Variants in DCDC1 observed in about 807,000 individuals in gnomAD.
DCDC1 encodes the protein doublecortin domain-containing protein 1.
Under a neutral mutation model 178.3 loss-of-function variants are expected in DCDC1, and 200 were observed. The ratio of observed to expected loss-of-function variants is 1.12; its 90% CI spans 1.00 to 1.26. DCDC1 has a LOEUF of 1.26. Ranked by LOEUF, DCDC1 falls within the 50% of genes most tolerant of loss-of-function variation. The pLI is 0.00. For synonymous variants in DCDC1, 690 were observed against 604.8 expected, an observed-to-expected ratio of 1.14 and a Z score of -2.07; for missense variants, 1,983 against 1,749.2, an observed-to-expected ratio of 1.13 and a Z score of -2.38.
intron 25 of DCDC1, among the ~76,000 whole-genome samples, chr11:30,918,919 C>G (rs1051040909): frequency 2.0e-5 from 3 of 152,116 alleles, no homozygotes; most frequent in African/African-American, 7.2e-5. Context: ...GTGCCGGACA[C>G]CTTTATGATA....
intron 7 of DCDC1, among the ~76,000 whole-genome samples, chr11:31,274,952 G>A (rs777978203): frequency 6.6e-6 from 1 of 151,956 alleles, no homozygotes; most frequent in African/African-American, 2.4e-5. Flanking sequence ...GCCTGCTTAA[G>A]CCTCCCAAAG....
chr11:30,917,040 C>A lies in DCDC1; in HGVS notation c.3294-12G>T, dbSNP rs747424505. The A allele has an allele frequency of 6.3e-7, 1 of 1,578,116 alleles. No homozygotes were observed. Among genetic ancestry groups the A allele is most frequent in the Non-Finnish European group, 8.6e-7 (1 of 1,166,166 alleles). On this transcript the variant is annotated splice_polypyrimidine_tract_variant and intron_variant, in intron 25 of 38. Coordinates refer to ENST00000684477, the MANE Select transcript of DCDC1 (RefSeq NM_001387274.1). ...TTACGTGTGAATCTCTATCAAGGTT[C>A]AGAAGCAAACATAAGTCTAAGAAAT...
At chr11:30,997,878 C>T (rs1185770063) in intron 20 of DCDC1, among the ~76,000 whole-genome samples, 1 of 152,216 alleles carries the variant, frequency 6.6e-6, no homozygotes. Context: ...TAGCCTTCTC[C>T]CCATCTCCAA....
At chr11:30,968,711 T>TTTTATATATATATATATATATA (rs760434545) in intron 20 of DCDC1, among the ~76,000 whole-genome samples, 1 of 61,058 alleles carries the variant, frequency 1.6e-5, no homozygotes, top group Non-Finnish European at 3.1e-5. Context: ...ATATATCAAA[T>TTTTATATATATATATATATATA]TATATATATA....
At chr11:31,359,519 G>A (rs1202315868) in intron 1 of DCDC1, among the ~76,000 whole-genome samples, 2 of 152,010 alleles carry the variant, frequency 1.3e-5, no homozygotes, top group East Asian at 1.9e-4. Flanking sequence ...CACCAGCATG[G>A]CACATGTATA....
At chr11:31,180,830 T>C (rs527513805) in intron 9 of DCDC1, among the ~76,000 whole-genome samples, 1 of 151,736 alleles carries the variant, frequency 6.6e-6, no homozygotes, top group Admixed American at 6.6e-5. Context: ...TTTTTTTTCA[T>C]ACCCCAGTGG....
intron 20 of DCDC1, among the ~76,000 whole-genome samples, chr11:30,995,505 T>C (rs903428230): frequency 6.6e-6 from 1 of 152,090 alleles, no homozygotes; most frequent in Non-Finnish European, 1.5e-5. Flanking sequence ...CAATTCCAGG[T>C]CTTGCTATGG....
intron 2 of DCDC1, among the ~76,000 whole-genome samples, chr11:31,334,683 AC>A (rs1162435540): frequency 6.6e-6 from 1 of 152,166 alleles, no homozygotes; most frequent in Non-Finnish European, 1.5e-5. Flanking sequence ...TCCACTCCAG[AC>A]CATGTTTGCC....
chr11:31,171,885 A>T (rs1014148244), intron 9 of DCDC1, among the ~76,000 whole-genome samples: 1 of 152,372 alleles, frequency 6.6e-6, no homozygotes, highest in Non-Finnish European at 1.5e-5. Flanking sequence ...CATCAAGGTA[A>T]GCTTATAGAC....
chr11:31,194,266 T>A (rs1238180762), intron 9 of DCDC1, among the ~76,000 whole-genome samples: 1 of 152,094 alleles, frequency 6.6e-6, no homozygotes, highest in East Asian at 1.9e-4. Context: ...ACATGTATAA[T>A]CAGTAGGGGA....
At chr11:31,213,100 C>CTCCT (rs1972851664) in intron 9 of DCDC1, among the ~76,000 whole-genome samples, 1 of 44,242 alleles carries the variant, frequency 2.3e-5, no homozygotes, top group Admixed American at 2.6e-4. Flanking sequence ...TAAAGCCCAG[C>CTCCT]CTCTCTCTCT....
intron 17 of DCDC1, among the ~76,000 whole-genome samples, chr11:31,083,302 T>C (rs927491197): frequency 2.6e-5 from 4 of 152,236 alleles, no homozygotes; most frequent in African/African-American, 4.8e-5. Context: ...ATCTTTAAGA[T>C]AGAACATTCA....
intron 20 of DCDC1, among the ~76,000 whole-genome samples, chr11:31,022,646 T>TGG (rs1448633566): frequency 8.7e-6 from 1 of 115,008 alleles, no homozygotes; most frequent in Non-Finnish European, 1.9e-5. Flanking sequence ...TTTTAGTTTG[T>TGG]GTGTGTGTGT....
At chr11:31,081,631 G>T (rs1957183624) in intron 17 of DCDC1, among the ~76,000 whole-genome samples, 1 of 151,804 alleles carries the variant, frequency 6.6e-6, no homozygotes, top group African/African-American at 2.4e-5. Flanking sequence ...GAAAAGAAAA[G>T]AAAAGAAATA....
chr11:30,999,236 C>A lies in DCDC1; in HGVS notation c.2592-46668G>T, dbSNP rs1242135734. On this transcript the variant is annotated intron_variant, in intron 20 of 38. Coordinates refer to ENST00000684477, the MANE Select transcript of DCDC1 (RefSeq NM_001387274.1). ...AACATCAGTGGAAAAACTGATGAAACCTTATAAGTCTTTAGTTTGGTTAAT... is the reference window on the plus strand; with the variant it reads ...AACATCAGTGGAAAAACTGATGAAAACTTATAAGTCTTTAGTTTGGTTAAT... Among the ~76,000 whole-genome samples, 4 of 152,106 alleles carry A rather than the reference C, an allele frequency of 2.6e-5. No individual in the cohort carries two copies. The East Asian group carries it at 7.7e-4, about 29-fold the overall frequency.
chr11:30,900,604 T>C, intron 32 of DCDC1, 106 bp from the exon 33 acceptor site: 1 of 1,197,296 alleles, frequency 8.4e-7, no homozygotes, highest in East Asian at 2.9e-5. Context: ...ATAACTTAAT[T>C]TGATTTAAAC....
At chr11:31,314,159 T>C (rs1204035885) in intron 3 of DCDC1, among the ~76,000 whole-genome samples, 2 of 152,226 alleles carry the variant, frequency 1.3e-5, no homozygotes, top group African/African-American at 4.8e-5. Context: ...TCATATAAAA[T>C]GCTAGCCTTT....
At chr11:31,204,703 C>A (rs1971676354) in intron 9 of DCDC1, among the ~76,000 whole-genome samples, 1 of 151,976 alleles carries the variant, frequency 6.6e-6, no homozygotes, top group Non-Finnish European at 1.5e-5. Context: ...GAGCCTGTAA[C>A]CCCAGGAACT....
At chr11:30,964,580 T>G (rs1388774929) in intron 20 of DCDC1, among the ~76,000 whole-genome samples, 1 of 152,148 alleles carries the variant, frequency 6.6e-6, no homozygotes, top group African/African-American at 2.4e-5. Flanking sequence ...TCACTGATGA[T>G]AACCAAGTAC....
Sources: gnomAD v4.1 joint callset for allele counts (sites outside exome capture counted in the v4.1 genomes callset) on GRCh38, gnomAD v4.1.1 for gene constraint, MANE v1.5 for transcripts, NCBI Gene and HGNC (gene_info 2026-07-23, HGNC 2026-07-21) for gene names.